Variants in LINGO2 observed in about 807,000 individuals in gnomAD.
The protein encoded by LINGO2 is leucine rich repeat and Ig domain containing 2.
In LINGO2, 14 loss-of-function variants were observed where a neutral mutation model predicts 30.6. That is an observed-to-expected ratio of 0.46 (90% CI 0.30 to 0.72). The LOEUF (loss-of-function observed/expected upper bound fraction) is 0.72. Among genes scored for constraint, LINGO2 ranks in the 30% least tolerant of loss-of-function variants. The pLI is 0.07. For synonymous variants in LINGO2, 317 were observed against 288.5 expected, an observed-to-expected ratio of 1.10 and a Z score of -1.00; for missense variants, 729 against 751.7, an observed-to-expected ratio of 0.97 and a Z score of 0.35.
intron 3 of LINGO2, among the ~76,000 whole-genome samples, chr9:28,335,387 C>A (rs945347210): frequency 6.6e-6 from 1 of 152,146 alleles, no homozygotes. Flanking sequence ...TCACTTCAGG[C>A]AAGACATTTC....
exon 6 of LINGO2, chr9:27,949,692 T>C (rs760141921): frequency 1.1e-5 from 18 of 1,613,996 alleles, no homozygotes; most frequent in African/African-American, 5.3e-5. Context: ...CTGAGACACA[T>C]TGAGCACGCG....
At chr9:27,948,285 G>A (rs975549349) in exon 6 of LINGO2, 8 of 152,412 alleles carry the variant, frequency 5.2e-5, no homozygotes, top group Non-Finnish European at 8.8e-5. Context: ...ATAGTGGTGA[G>A]TAACTAAAAG....
chr9:28,996,201 A>G, the LINGO2 span, among the ~76,000 whole-genome samples: 1 of 151,974 alleles, frequency 6.6e-6, no homozygotes, highest in African/African-American at 2.4e-5. Flanking sequence ...AATGAGATGT[A>G]ATTTCTATTG....
At chr9:28,659,381 G>T (rs183443862) in intron 1 of LINGO2, among the ~76,000 whole-genome samples, 3 of 152,044 alleles carry the variant, frequency 2.0e-5, no homozygotes, top group Admixed American at 6.6e-5. Flanking sequence ...ATTAAATATT[G>T]CAGGAGGAAA....
chr9:29,098,801 A>G, the LINGO2 span, among the ~76,000 whole-genome samples: 3 of 152,158 alleles, frequency 2.0e-5, no homozygotes, highest in African/African-American at 7.2e-5. Flanking sequence ...TGAAATGTCT[A>G]TGGTTTCCGT....
At chr9:28,706,878 T>C in the LINGO2 span, among the ~76,000 whole-genome samples, 1 of 152,094 alleles carries the variant, frequency 6.6e-6, no homozygotes, top group Non-Finnish European at 1.5e-5. Flanking sequence ...CCTGAAACTT[T>C]GCTTGTAAAT....
At chr9:28,386,954 G>A (rs373908847) in intron 2 of LINGO2, among the ~76,000 whole-genome samples, 3 of 152,110 alleles carry the variant, frequency 2.0e-5, no homozygotes, top group Non-Finnish European at 4.4e-5. Context: ...CACTGTTAGC[G>A]ATAAATAATT....
chr9:28,083,209 G>A lies in LINGO2; in HGVS notation c.-86-70804C>T, dbSNP rs566678562. Reference sequence around the variant, plus strand: ...TGGTGAGCACAAGGACATCCCTGTGGGCAGGAAGCCTGAGTGTTTGCTCTG... The same window carrying A: ...TGGTGAGCACAAGGACATCCCTGTGAGCAGGAAGCCTGAGTGTTTGCTCTG... On this transcript the variant is annotated intron_variant, in intron 4 of 5. Coordinates refer to ENST00000379992, the Ensembl canonical transcript of LINGO2. 6.4e-4 allele frequency among the ~76,000 whole-genome samples: 98 copies of A among 152,296 alleles called. 1 individual carries two copies. The highest frequency in any genetic ancestry group is 2.3e-3 in the African/African-American group (94 of 41,570).
intron 2 of LINGO2, among the ~76,000 whole-genome samples, chr9:28,440,185 T>C (rs1358035987): frequency 6.6e-6 from 1 of 152,224 alleles, no homozygotes; most frequent in African/African-American, 2.4e-5. Context: ...AGTAAAATTA[T>C]ACTCAGGAGT....
chr9:28,360,039 T>A (rs1267991703), intron 3 of LINGO2, among the ~76,000 whole-genome samples: 2 of 152,184 alleles, frequency 1.3e-5, no homozygotes, highest in Non-Finnish European at 2.9e-5. Flanking sequence ...ATAGAGCATG[T>A]ACACTAAAAC....
chr9:28,848,363 T>TTGTGTGTGTGTG, the LINGO2 span, among the ~76,000 whole-genome samples: 30 of 74,658 alleles, frequency 4.0e-4, no homozygotes, highest in African/African-American at 5.2e-4. Flanking sequence ...TACACATATA[T>TTGTGTGTGTGTG]TGTGTGTGTG....
the LINGO2 span, among the ~76,000 whole-genome samples, chr9:29,041,690 G>A: frequency 6.6e-6 from 1 of 151,914 alleles, no homozygotes; most frequent in South Asian, 2.1e-4. Context: ...CAAACTAAAA[G>A]CTATACATGT....
chr9:29,057,862 C>T, the LINGO2 span, among the ~76,000 whole-genome samples: 6 of 152,064 alleles, frequency 3.9e-5, no homozygotes, highest in Admixed American at 3.9e-4. Flanking sequence ...AAATCCAGGG[C>T]ATTCGGTAGA....
chr9:29,204,436 T>A, the LINGO2 span, among the ~76,000 whole-genome samples: 2 of 148,740 alleles, frequency 1.3e-5, no homozygotes. Context: ...AAGGGCAGGA[T>A]TATATCTGTC....
chr9:28,259,310 T>G (rs568353652), intron 4 of LINGO2, among the ~76,000 whole-genome samples: 1 of 152,044 alleles, frequency 6.6e-6, no homozygotes, highest in African/African-American at 2.4e-5. Flanking sequence ...AATGTATGAC[T>G]ATGGTAGAAT....
chr9:28,916,320 T>C, the LINGO2 span, among the ~76,000 whole-genome samples: 1 of 152,198 alleles, frequency 6.6e-6, no homozygotes, highest in Non-Finnish European at 1.5e-5. Flanking sequence ...TAGAGAATTC[T>C]CTTCCTTTCT....
intron 4 of LINGO2, among the ~76,000 whole-genome samples, chr9:28,249,441 T>A (rs1822116224): frequency 6.6e-6 from 1 of 152,128 alleles, no homozygotes; most frequent in African/African-American, 2.4e-5. Context: ...TTATGGTAAG[T>A]GATTGGCAAC....
chr9:28,315,327 C>T (rs1365893192), intron 3 of LINGO2, among the ~76,000 whole-genome samples: 2 of 151,490 alleles, frequency 1.3e-5, no homozygotes, highest in Non-Finnish European at 2.9e-5. Context: ...TTTCTTAACC[C>T]GGAGGCACAG....
At chr9:29,143,903 T>G in the LINGO2 span, among the ~76,000 whole-genome samples, 44 of 152,298 alleles carry the variant, frequency 2.9e-4, no homozygotes, top group African/African-American at 9.9e-4. Flanking sequence ...ATAGTTTGGG[T>G]TGCACATTAA....
Sources: allele counts gnomAD v4.1 joint callset (sites outside exome capture counted in the v4.1 genomes callset), GRCh38; gene constraint gnomAD v4.1.1; transcripts MANE v1.5; gene names NCBI Gene and HGNC (gene_info 2026-07-23, HGNC 2026-07-21).